The following WWP1 variants were observed in gnomAD, a reference collection of about 807,000 sequenced individuals.
WWP1 encodes WW domain containing E3 ubiquitin protein ligase 1.
A neutral mutation model predicts 130.6 loss-of-function variants in WWP1; 49 were observed. That is an observed-to-expected ratio of 0.38 (90% CI 0.30 to 0.48). The LOEUF (loss-of-function observed/expected upper bound fraction) is 0.48. WWP1 is among the 20% of genes least tolerant of loss of function. The pLI, the probability that WWP1 is intolerant of heterozygous loss-of-function variation, is 0.99. For synonymous variants in WWP1, 332 were observed against 367.8 expected (o/e 0.90, Z 1.11); for missense variants, 809 against 1,100.6 (o/e 0.74, Z 3.75).
chr8:86,366,904 A>G (rs1824007815), intron 1 of WWP1, among the ~76,000 whole-genome samples: 1 of 152,220 alleles, frequency 6.6e-6, no homozygotes, highest in Non-Finnish European at 1.5e-5. Context: ...TATATAATTT[A>G]ATTTAAAATT....
At chr8:86,343,053 A>G (rs946850101) in intron 1 of WWP1, 123 bp downstream of exon 1, 74 of 294,054 alleles carry the variant, frequency 2.5e-4, no homozygotes, top group Non-Finnish European at 4.3e-4. Context: ...GGACCCTCCT[A>G]GGACCCGTCG....
intron 1 of WWP1, among the ~76,000 whole-genome samples, chr8:86,345,636 T>TAC (rs60017759): frequency 0.14 from 22,000 of 151,948 alleles, 1,745 homozygotes; most frequent in Non-Finnish European, 0.19. Flanking sequence ...CGTGTTGAAC[T>TAC]CCTGAGCTCA....
chr8:86,383,179 G>A (rs1825078786), intron 5 of WWP1, among the ~76,000 whole-genome samples: 1 of 72,434 alleles, frequency 1.4e-5, no homozygotes, highest in Non-Finnish European at 3.0e-5. Context: ...GCTATGCCAT[G>A]GCATTTTTTT....
chr8:86,376,579 G>A (rs1824667971), intron 3 of WWP1, among the ~76,000 whole-genome samples: 1 of 150,510 alleles, frequency 6.6e-6, no homozygotes, highest in South Asian at 2.1e-4. Flanking sequence ...AAAAAAAAAA[G>A]AAAGAAAAAG....
intron 8 of WWP1, among the ~76,000 whole-genome samples, chr8:86,410,929 C>T (rs1239884125): frequency 1.3e-5 from 2 of 151,916 alleles, no homozygotes; most frequent in Admixed American, 1.3e-4. Flanking sequence ...ATCTATTCAC[C>T]CTTACAGTTT....
chr8:86,365,933 A>G (rs1213942678), intron 1 of WWP1, among the ~76,000 whole-genome samples: 1 of 152,246 alleles, frequency 6.6e-6, no homozygotes, highest in Non-Finnish European at 1.5e-5. Context: ...AGAAAAGCCC[A>G]ATGGGAGATA....
In WWP1 at chr8:86,386,149, G is replaced by T. The variant is rs942371504; in HGVS notation, c.334+4520G>T. On this transcript the variant is annotated intron_variant, in intron 5 of 24. Coordinates refer to ENST00000517970, the MANE Select transcript of WWP1 (RefSeq NM_007013.4). ...CATTATCTTCTGAGTATGCTTTGCT[G>T]GGTCTCCTGTACTGAAAGCAACTTA... Among the ~76,000 whole-genome samples the T allele has an allele frequency of 2.6e-5, 4 of 152,224 alleles. No individual in the cohort carries two copies. The South Asian group carries it at 8.3e-4, about 32-fold the overall frequency.
chr8:86,394,426 A>G (rs1216488945), intron 5 of WWP1, among the ~76,000 whole-genome samples: 1 of 152,226 alleles, frequency 6.6e-6, no homozygotes, highest in African/African-American at 2.4e-5. Flanking sequence ...ACCTTCTCTC[A>G]GTTGCTGAGG....
chr8:86,387,749 C>G (rs1361504196), intron 5 of WWP1, among the ~76,000 whole-genome samples: 2 of 152,176 alleles, frequency 1.3e-5, no homozygotes, highest in African/African-American at 4.8e-5. Flanking sequence ...GTCTCGAACT[C>G]CTGACCTCAA....
intron 17 of WWP1, chr8:86,440,586 TC>T (rs373157142): frequency 1.6e-4 from 67 of 420,998 alleles, no homozygotes; most frequent in African/African-American, 1.2e-3. Flanking sequence ...TTCCTGAAGT[TC>T]AATAATTTCA....
At position 86,431,526 on chromosome 8, in the gene WWP1, A is replaced by G. The variant is rs574794232; in HGVS notation, c.1472+36A>G. 3.4e-4 allele frequency: 555 copies of G among 1,611,332 alleles called. 6 individuals are homozygous for G. In the South Asian group the frequency reaches 5.9e-3, roughly 17 times the overall value. ...ACAGCAGCCTTAAGTCGTCTTGCATATATCAGTAGGTAGAACCAACCAACC... is the reference window on the plus strand; with the variant it reads ...ACAGCAGCCTTAAGTCGTCTTGCATGTATCAGTAGGTAGAACCAACCAACC... On this transcript the variant is annotated intron_variant, in intron 13 of 24. Transcript: ENST00000517970.
rs920011469 is a variant in WWP1 at position 86,467,165 on chromosome 8, A to G, written c.*272A>G. The G allele has an allele frequency of 4.4e-5, 11 of 250,058 alleles. No homozygotes were observed. Among genetic ancestry groups the G allele is most frequent in the Non-Finnish European group, 7.6e-5 (10 of 132,346 alleles). The allele number at this position is 250,058 out of a possible 1,614,324, so 15.5% of individuals were successfully genotyped here. A position where few individuals can be genotyped will look rare whatever the true frequency, so the allele number is the denominator to read the frequency against. On this transcript the variant is annotated 3_prime_UTR_variant, in exon 25 of 25. Coordinates refer to ENST00000517970, the MANE Select transcript of WWP1 (RefSeq NM_007013.4). ...TTAAAAATACATATATATCTATATA[A>G]ACATATATGATAGTGGCTCTAGTTT...
intron 3 of WWP1, among the ~76,000 whole-genome samples, chr8:86,375,244 G>A (rs1279532266): frequency 6.6e-6 from 1 of 151,882 alleles, no homozygotes; most frequent in Non-Finnish European, 1.5e-5. Flanking sequence ...ATGTACTTTA[G>A]TAATTCTCTA....
chr8:86,441,380 T>C (rs1224812329), intron 17 of WWP1, among the ~76,000 whole-genome samples: 1 of 152,258 alleles, frequency 6.6e-6, no homozygotes, highest in Non-Finnish European at 1.5e-5. Context: ...GACTTCCTTC[T>C]CTACCCTTCA....
rs1392569401 is a variant in WWP1 at position 86,365,770 on chromosome 8, C to G, written c.-114-3169C>G. 3.3e-5 allele frequency among the ~76,000 whole-genome samples: 5 copies of G among 152,262 alleles called. No homozygotes were observed. The South Asian group carries it at 8.3e-4, about 25-fold the overall frequency. ...TTGAGGCCAGAGGTTAAAGACTAGC[C>G]TGGGCAAATAGTGAGACCCTGTCTC... On this transcript the variant is annotated intron_variant, in intron 1 of 24. Coordinates refer to ENST00000517970, the MANE Select transcript of WWP1 (RefSeq NM_007013.4).
In WWP1 at chr8:86,415,042, C is replaced by G. The variant is rs529516090; in HGVS notation, c.1061+3168C>G. Among the ~76,000 whole-genome samples the G allele has an allele frequency of 4.4e-3, 662 of 151,988 alleles. 6 individuals carry two copies. Among genetic ancestry groups the G allele is most frequent in the African/African-American group, 0.015 (628 of 41,440 alleles). Reference sequence around the variant, plus strand: ...TCCAGTTGATATATGTACCTCATGCCGTATACCAAGGAGGCAGTTATATGT... The same window carrying G: ...TCCAGTTGATATATGTACCTCATGCGGTATACCAAGGAGGCAGTTATATGT... On this transcript the variant is annotated intron_variant, in intron 9 of 24. Coordinates refer to ENST00000517970, the MANE Select transcript of WWP1 (RefSeq NM_007013.4).
At position 86,386,375 on chromosome 8, in the gene WWP1, C is replaced by T. The variant is rs529287652; in HGVS notation, c.334+4746C>T. ...AGTGAACTATCATTGTGTCTGTGTA[C>T]AGTTGCTGTACCCTAGCCTGAGTAC... On this transcript the variant is annotated intron_variant, in intron 5 of 24. Coordinates refer to ENST00000517970, the MANE Select transcript of WWP1 (RefSeq NM_007013.4). 2.0e-5 allele frequency among the ~76,000 whole-genome samples: 3 copies of T among 150,836 alleles called. No individual in the cohort carries two copies. The South Asian group carries it at 6.2e-4, about 31-fold the overall frequency.
chr8:86,428,164 A>G (rs1034423056), intron 11 of WWP1, among the ~76,000 whole-genome samples: 1 of 152,182 alleles, frequency 6.6e-6, no homozygotes, highest in African/African-American at 2.4e-5. Flanking sequence ...CAACAAAACC[A>G]GTTACTTTAT....
intron 1 of WWP1, among the ~76,000 whole-genome samples, chr8:86,363,003 T>TA (rs560681783): frequency 1.3e-3 from 199 of 152,370 alleles, no homozygotes; most frequent in African/African-American, 4.5e-3. Context: ...TTAGCATTTA[T>TA]ATAGTACTCG....
Sources: gnomAD v4.1 joint callset for allele counts (sites outside exome capture counted in the v4.1 genomes callset) on GRCh38, gnomAD v4.1.1 for gene constraint, MANE v1.5 for transcripts, NCBI Gene and HGNC (gene_info 2026-07-23, HGNC 2026-07-21) for gene names.